MIR2052HG: variants seen among roughly 807,000 people sequenced by gnomAD.
The protein encoded by MIR2052HG is MIR2052 host gene.
intron 2 of MIR2052HG, among the ~76,000 whole-genome samples, chr8:74,615,431 AG>A (rs1415280267): frequency 6.6e-6 from 1 of 152,210 alleles, no homozygotes; most frequent in Non-Finnish European, 1.5e-5. Context: ...GAGGACTGGC[AG>A]AAGGTGGGTA....
intron 1 of MIR2052HG, chr8:74,603,155 T>C: frequency 1.4e-6 from 1 of 715,132 alleles, no homozygotes; most frequent in Non-Finnish European, 2.5e-6. Flanking sequence ...CACGAGTGGA[T>C]GATAAAGTGT....
chr8:74,653,024 C>G (rs1315229380), intron 2 of MIR2052HG, among the ~76,000 whole-genome samples: 1 of 152,274 alleles, frequency 6.6e-6, no homozygotes, highest in African/African-American at 2.4e-5. Context: ...TTATCCTTAC[C>G]TTATTCTGTC....
chr8:74,659,990 G>T (rs1339874755), intron 2 of MIR2052HG, among the ~76,000 whole-genome samples: 1 of 152,132 alleles, frequency 6.6e-6, no homozygotes, highest in Non-Finnish European at 1.5e-5. Context: ...GATATGCATA[G>T]ATTAGTTTAA....
At chr8:74,614,355 A>G (rs1808245392) in intron 2 of MIR2052HG, among the ~76,000 whole-genome samples, 1 of 152,150 alleles carries the variant, frequency 6.6e-6, no homozygotes, top group South Asian at 2.1e-4. Flanking sequence ...CAGAATCATT[A>G]TCTTCTACCT....
chr8:74,732,984 T>C (rs991053794), intron 4 of MIR2052HG, among the ~76,000 whole-genome samples: 3 of 152,088 alleles, frequency 2.0e-5, no homozygotes, highest in African/African-American at 7.2e-5. Context: ...CTGGTTTAGG[T>C]TTTACAAATT....
intron 2 of MIR2052HG, among the ~76,000 whole-genome samples, chr8:74,679,891 A>G (rs568474182): frequency 6.6e-6 from 1 of 152,090 alleles, no homozygotes; most frequent in Non-Finnish European, 1.5e-5. Flanking sequence ...TCCCTGTGGA[A>G]TTAGGAACAA....
chr8:74,610,013 C>G (rs1257661109), intron 1 of MIR2052HG: 1 of 151,552 alleles, frequency 6.6e-6, no homozygotes, highest in Admixed American at 6.6e-5. Flanking sequence ...AAATAGTAGT[C>G]CTGTGGGAAA....
chr8:74,727,422 A>G (rs894612949), intron 4 of MIR2052HG, among the ~76,000 whole-genome samples: 1 of 152,218 alleles, frequency 6.6e-6, no homozygotes. Flanking sequence ...TAAAATATAA[A>G]GAAATTATTA....
intron 4 of MIR2052HG, among the ~76,000 whole-genome samples, chr8:74,725,113 CAG>C (rs780802947): frequency 1.3e-5 from 2 of 152,160 alleles, no homozygotes; most frequent in African/African-American, 2.4e-5. Flanking sequence ...GCTCAAACTC[CAG>C]AGAGTAGGGA....
chr8:74,677,575 A>G (rs80178267), intron 2 of MIR2052HG, among the ~76,000 whole-genome samples: 2,552 of 152,200 alleles, frequency 0.017, 74 homozygotes, highest in African/African-American at 0.059. Context: ...ATTAAAAATC[A>G]TATGTCTAAA....
intron 4 of MIR2052HG, among the ~76,000 whole-genome samples, chr8:74,723,750 AGTTT>A (rs949161587): frequency 1.3e-5 from 2 of 152,126 alleles, no homozygotes; most frequent in Admixed American, 6.5e-5. Context: ...TTGCTAGGAG[AGTTT>A]GTTTGTTGTG....
At chr8:74,657,616 T>C (rs1167257550) in intron 2 of MIR2052HG, among the ~76,000 whole-genome samples, 1 of 152,204 alleles carries the variant, frequency 6.6e-6, no homozygotes, top group Non-Finnish European at 1.5e-5. Context: ...CAACTCCACA[T>C]GGCTGGGGAG....
intron 2 of MIR2052HG, among the ~76,000 whole-genome samples, chr8:74,661,489 C>T (rs1034754304): frequency 1.3e-5 from 2 of 152,186 alleles, no homozygotes; most frequent in African/African-American, 4.8e-5. Context: ...GCGTGAGTCA[C>T]TGTGCCTGGC....
intron 2 of MIR2052HG, among the ~76,000 whole-genome samples, chr8:74,657,145 T>A (rs1808815508): frequency 6.6e-6 from 1 of 152,098 alleles, no homozygotes; most frequent in African/African-American, 2.4e-5. Context: ...GCTGCCTTCT[T>A]CTCATCTTCT....
intron 2 of MIR2052HG, among the ~76,000 whole-genome samples, chr8:74,648,377 T>C (rs1808715713): frequency 6.6e-6 from 1 of 152,208 alleles, no homozygotes; most frequent in Non-Finnish European, 1.5e-5. Context: ...GGTTGTCTGC[T>C]CTCGAACTCT....
chr8:74,730,791 T>C (rs1809683671), intron 4 of MIR2052HG, among the ~76,000 whole-genome samples: 1 of 92,528 alleles, frequency 1.1e-5, no homozygotes, highest in Non-Finnish European at 2.0e-5. Context: ...GAAGCAATTT[T>C]TATGAAAACT....
intron 2 of MIR2052HG, among the ~76,000 whole-genome samples, chr8:74,678,895 T>C (rs865914430): frequency 3.3e-5 from 5 of 152,090 alleles, no homozygotes; most frequent in Non-Finnish European, 4.4e-5. Context: ...AGGAAAAACA[T>C]GTGCTTTAAA....
At chr8:74,632,451 T>C (rs1373169647) in intron 2 of MIR2052HG, 1 of 151,992 alleles carries the variant, frequency 6.6e-6, no homozygotes, top group Non-Finnish European at 1.5e-5. Context: ...TATACTTACC[T>C]CTCATCAGCT....
intron 4 of MIR2052HG, among the ~76,000 whole-genome samples, chr8:74,708,637 T>C (rs1809434425): frequency 1.3e-5 from 2 of 152,228 alleles, no homozygotes; most frequent in South Asian, 4.1e-4. Flanking sequence ...CAAAACTTAG[T>C]TGAACATTTA....
Sources: gnomAD v4.1 joint callset for allele counts (sites outside exome capture counted in the v4.1 genomes callset) on GRCh38, gnomAD v4.1.1 for gene constraint, MANE v1.5 for transcripts, NCBI Gene and HGNC (gene_info 2026-07-23, HGNC 2026-07-21) for gene names.